CPA4: variants seen among roughly 807,000 people sequenced by gnomAD.
CPA4 encodes the protein carboxypeptidase A3.
Under a neutral mutation model 54.7 loss-of-function variants are expected in CPA4, and 49 were observed. That is an observed-to-expected ratio of 0.90 (90% CI 0.71 to 1.14). The LOEUF is 1.14. Ranked by LOEUF, CPA4 falls within the 50% of genes most tolerant of loss-of-function variation. CPA4 has a pLI of 0.00. For synonymous variants in CPA4, 215 were observed against 206.8 expected (o/e 1.04, Z -0.34); for missense variants, 487 against 525.1 (o/e 0.93, Z 0.71).
At chr7:130,306,383 A>T (rs1170076967) in intron 6 of CPA4, 4 of 212,904 alleles carry the variant, frequency 1.9e-5, no homozygotes, top group Non-Finnish European at 2.8e-5. Context: ...ACTCTGTCTT[A>T]AAAAAAGAAA....
Position 130,322,646 on chromosome 7 carries a change from C to A in CPA4, c.1236C>A (p.Ile412=), listed in dbSNP as rs1794132821. Residue 412 remains isoleucine, a synonymous_variant, in exon 11 of 11, where the codon ATC becomes ATA. Transcript: ENST00000222482. The part of the protein sequence containing the change: ...AEETWLGLKT[I]MEHVRDNLY ...AGACGTGGCTGGGGCTGAAGACCAT[C>A]ATGGAGCATGTGCGGGACAACCTCT... 6.2e-7 allele frequency: 1 copy of A among 1,614,098 alleles called. No homozygotes were observed. Among genetic ancestry groups the A allele is most frequent in the South Asian group, 1.1e-5 (1 of 91,060 alleles).
At chr7:130,311,217 G>A (rs564428064) in intron 9 of CPA4, among the ~76,000 whole-genome samples, 6 of 152,284 alleles carry the variant, frequency 3.9e-5, no homozygotes, top group Admixed American at 2.6e-4. Flanking sequence ...TGCCTGCCCC[G>A]CCTTTCCGTC....
chr7:130,310,851 G>A lies in CPA4; in HGVS notation c.858G>A (p.Val286=). The A allele has an allele frequency of 2.5e-6, 4 of 1,614,196 alleles. No homozygotes were observed. Among genetic ancestry groups the A allele is most frequent in the Non-Finnish European group, 3.4e-6 (4 of 1,180,008 alleles). ...VYHGPHANSE[V]EVKSVVDFIQ... is the part of the protein sequence containing the mutation. ...ATGGACCCCACGCCAATTCGGAAGT[G>A]GAGGTGAAATCAGTGGTAGATTTCA... is the stretch of plus-strand genomic sequence containing the variant. The change falls in exon 9 of 11, where the codon GTG becomes GTA. Residue 286 remains valine, a synonymous_variant. Coordinates refer to ENST00000222482, the MANE Select transcript of CPA4 (RefSeq NM_016352.4). This position sits in a 1 kb window ranked among gnomAD's most constrained non-coding sequence, Gnocchi z 4.3.
In CPA4 at chr7:130,323,207, C is replaced by G. The variant is rs1794148525; in HGVS notation, c.*531C>G. On this transcript the variant is annotated 3_prime_UTR_variant, in exon 11 of 11. Transcript: ENST00000222482. ...TGTAGGGATATCAGTGAAGGTCTCT[C>G]CCTCCCTCCTCTCCTGTTTTTTTTT... The G allele has an allele frequency of 6.6e-6, 1 of 151,716 alleles. No individual in the cohort carries two copies. The highest frequency in any genetic ancestry group is 2.1e-4 in the South Asian group (1 of 4,804). The allele number at this position is 151,716 out of a possible 1,614,324, so 9.4% of individuals were successfully genotyped here.
In CPA4 at chr7:130,299,296, C is replaced by T; in HGVS notation, c.177C>T (p.Ser59=). 3.1e-6 allele frequency: 5 copies of T among 1,613,946 alleles called. No homozygotes were observed. The highest frequency in any genetic ancestry group is 3.4e-6 in the Non-Finnish European group (4 of 1,179,774). Residue 59 remains serine (S), a synonymous_variant, in exon 3 of 11, where the codon TCC becomes TCT. Transcript: ENST00000222482. ...LKLNFWKSPS[S]FNRPVDVLVP... ...TCAATTTCTGGAAATCTCCCTCCTC[C>T]TTCAATCGGCCTGTGGATGTCCTGG... is the stretch of plus-strand genomic sequence containing the variant.
chr7:130,314,159 G>T (rs967194668), intron 10 of CPA4, among the ~76,000 whole-genome samples: 1 of 152,200 alleles, frequency 6.6e-6, no homozygotes, highest in Non-Finnish European at 1.5e-5. Context: ...AGTCAACTTT[G>T]TTAGTTTGGT....
intron 1 of CPA4, among the ~76,000 whole-genome samples, chr7:130,294,443 G>A (rs182131343): frequency 4.3e-4 from 65 of 152,354 alleles, no homozygotes; most frequent in Non-Finnish European, 7.4e-4. Flanking sequence ...GGTTAGGAGT[G>A]GCAGGTGGCC....
In CPA4 at chr7:130,322,610, C is replaced by T. The variant is rs1269008887; in HGVS notation, c.1200C>T (p.Pro400=). Reference sequence around the variant, plus strand: ...TCCTGCCAGCTAACCAGATCATCCCCACTGCAGAGGAGACGTGGCTGGGGC... The same window carrying T: ...TCCTGCCAGCTAACCAGATCATCCCTACTGCAGAGGAGACGTGGCTGGGGC... ...GFLLPANQII[P]TAEETWLGLK... The change falls in exon 11 of 11, where the codon CCC becomes CCT. Residue 400 remains proline, a synonymous_variant. Coordinates refer to ENST00000222482, the MANE Select transcript of CPA4 (RefSeq NM_016352.4). The T allele has an allele frequency of 1.2e-6, 2 of 1,614,102 alleles. No individual in the cohort carries two copies. Among genetic ancestry groups the T allele is most frequent in the Admixed American group, 1.7e-5 (1 of 60,014 alleles).
rs777483464 is a variant in CPA4 at position 130,308,305 on chromosome 7, A to C, written c.703-2A>C. 1.2e-6 allele frequency: 2 copies of C among 1,613,804 alleles called. No homozygotes were observed. Among genetic ancestry groups the C allele is most frequent in the African/African-American group, 2.7e-5 (2 of 74,900 alleles). On this transcript the variant is annotated splice_acceptor_variant, in intron 7 of 10. Transcript: ENST00000222482. LOFTEE classifies it high-confidence loss of function. ...TTGTCCCCTCCTTGGTGGCTTTTTC[A>C]GAACCGATTATGGAGGAAGACGCGG...
intron 3 of CPA4, among the ~76,000 whole-genome samples, chr7:130,300,581 G>A (rs909869180): frequency 4.0e-5 from 6 of 151,848 alleles, no homozygotes; most frequent in African/African-American, 9.7e-5. Flanking sequence ...TGATCCGCCC[G>A]CCTCAGCCTC....
chr7:130,309,673 A>G (rs10253631), intron 8 of CPA4, among the ~76,000 whole-genome samples: 10,497 of 152,286 alleles, frequency 0.069, 785 homozygotes, highest in African/African-American at 0.19. Flanking sequence ...TCAAGATGAC[A>G]TGGGTGAACA....
chr7:130,302,464 G>C (rs1315320249), intron 4 of CPA4, among the ~76,000 whole-genome samples: 1 of 151,154 alleles, frequency 6.6e-6, no homozygotes, highest in Non-Finnish European at 1.5e-5. Flanking sequence ...ACTCCAGCCT[G>C]GGTGACTGAG....
Position 130,310,322 on chromosome 7 carries a change from A to C in CPA4, c.794-465A>C, listed in dbSNP as rs1274203738. 1.3e-5 allele frequency among the ~76,000 whole-genome samples: 2 copies of C among 152,238 alleles called. No individual in the cohort carries two copies. The highest frequency in any genetic ancestry group is 1.5e-5 in the Non-Finnish European group (1 of 68,038). On this transcript the variant is annotated intron_variant, in intron 8 of 10. Transcript: ENST00000222482. The surrounding 1 kb of genome is among the most constrained non-coding windows in gnomAD (Gnocchi z 4.3). ...GAACTATATTATGAAGTAATACAGA[A>C]GGCAGTGTTTCTAAATACCTGTCAA...
Position 130,310,752 on chromosome 7 carries a change from T to C in CPA4, c.794-35T>C, listed in dbSNP as rs758739261. 53 of 1,588,668 alleles carry C rather than the reference T, an allele frequency of 3.3e-5. No individual in the cohort carries two copies. Among genetic ancestry groups the C allele is most frequent in the Non-Finnish European group, 7.8e-6 (9 of 1,157,172 alleles). ...CTTGCATTTCTGTGTTCTTGGACTA[T>C]GAGTTAATGTTTGTTCTTGGGCTAT... On this transcript the variant is annotated intron_variant, in intron 8 of 10. Transcript: ENST00000222482. This position sits in a 1 kb window ranked among gnomAD's most constrained non-coding sequence, Gnocchi z 4.3.
chr7:130,298,652 GGTTAC>G, intron 1 of CPA4, 89 bp from the exon 2 acceptor site: 3 of 750,508 alleles, frequency 4.0e-6, no homozygotes, highest in Admixed American at 4.2e-5. Context: ...CTTTTGGCCT[GGTTAC>G]GTCTGGGATA....
chr7:130,321,546 A>G (rs112732346), intron 10 of CPA4, among the ~76,000 whole-genome samples: 4,512 of 152,192 alleles, frequency 0.03, 81 homozygotes, highest in African/African-American at 0.048. Context: ...GTATTTGTCC[A>G]TTTTCACACT....
At chr7:130,312,611 G>T (rs915814932) in intron 10 of CPA4, among the ~76,000 whole-genome samples, 2 of 152,126 alleles carry the variant, frequency 1.3e-5, no homozygotes, top group Admixed American at 1.3e-4. Context: ...AGATCTGATG[G>T]TTATTATAAG....
Position 130,322,633 on chromosome 7 carries a change from G to C in CPA4, c.1223G>C (p.Gly408Ala), listed in dbSNP as rs1217322084. The change falls in exon 11 of 11, where the codon GGG becomes GCG. Residue 408 changes from glycine (G) to alanine (A), a missense_variant. Transcript: ENST00000222482. ...IIPTAEETWL[G>A]LKTIMEHVRD... ...CCCACTGCAGAGGAGACGTGGCTGG[G>C]GCTGAAGACCATCATGGAGCATGTG... 1 of 1,614,144 alleles carries C rather than the reference G, an allele frequency of 6.2e-7. No individual in the cohort carries two copies. Among genetic ancestry groups the C allele is most frequent in the South Asian group, 1.1e-5 (1 of 91,076 alleles).
chr7:130,319,689 G>A (rs1049127409), intron 10 of CPA4, among the ~76,000 whole-genome samples: 5 of 152,098 alleles, frequency 3.3e-5, no homozygotes, highest in East Asian at 1.9e-4. Context: ...GGTGAGGGGC[G>A]GAGCTGTACA....
Sources: gnomAD v4.1 joint callset for allele counts (sites outside exome capture counted in the v4.1 genomes callset) on GRCh38, gnomAD v4.1.1 for gene constraint, Gnocchi (gnomAD v3.1) non-coding constraint, MANE v1.5 for transcripts, NCBI Gene and HGNC (gene_info 2026-07-23, HGNC 2026-07-21) for gene names.